The following TMPO variants were observed in gnomAD, a reference collection of about 807,000 sequenced individuals.
TMPO encodes thymopoietin.
Under a neutral mutation model 45.4 loss-of-function variants are expected in TMPO, and 22 were observed. The ratio of observed to expected loss-of-function variants is 0.48; its 90% CI spans 0.35 to 0.69. The LOEUF is 0.69. Ranked by LOEUF, TMPO falls within the 30% of genes least tolerant of loss-of-function variation. The pLI is 0.01. For synonymous variants in TMPO, 241 were observed against 204.1 expected (o/e 1.18, Z -1.54); for missense variants, 512 against 548.8 (o/e 0.93, Z 0.67).
At chr12:98,524,882 C>T (rs900171910) in intron 1 of TMPO, among the ~76,000 whole-genome samples, 2 of 152,196 alleles carry the variant, frequency 1.3e-5, no homozygotes, top group Non-Finnish European at 2.9e-5. Flanking sequence ...GCATGAGCCA[C>T]TGCACCTGGC....
At chr12:98,537,907 G>A (rs1271665106) in intron 4 of TMPO, among the ~76,000 whole-genome samples, 1 of 152,124 alleles carries the variant, frequency 6.6e-6, no homozygotes, top group Non-Finnish European at 1.5e-5. Flanking sequence ...CAATGGAAGG[G>A]TTTTATATTT....
chr12:98,515,801 G>T lies in TMPO; in HGVS notation c.-67G>T. On this transcript the variant is annotated 5_prime_UTR_variant, in exon 1 of 9. Transcript: ENST00000556029. ...AGGCGGCAGCGCGGTCCCCGGCCAG[G>T]AGCAAGCGCGCCGGCGTGAGCGGCG... 6.4e-7 allele frequency: 1 copy of T among 1,562,538 alleles called. No homozygotes were observed. Among genetic ancestry groups the T allele is most frequent in the South Asian group, 1.2e-5 (1 of 85,654 alleles).
intron 3 of TMPO, chr12:98,532,838 A>G: frequency 1.2e-6 from 2 of 1,614,224 alleles, no homozygotes; most frequent in Middle Eastern, 1.6e-4. Context: ...AAGAAAGAAC[A>G]CAAGAAAGTG....
At position 98,546,437 on chromosome 12, in the gene TMPO, A is replaced by G. The variant is rs779504287; in HGVS notation, c.1069A>G (p.Thr357Ala). The change falls in exon 8 of 9, where the codon ACA becomes GCA. Residue 357 changes from threonine (T) to alanine (A), a missense_variant. Physicochemically the swap from Thr to Ala is moderately conservative, Grantham distance 58 (BLOSUM62 0). Transcript: ENST00000556029. The part of the protein sequence containing the change: ...EMFPYEASTP[T>A]GISASCRRPI... ...GTTCCCCTATGAAGCATCTACACCA[A>G]CAGGAATTAGGTATTCAGATACATT... 1.5e-5 allele frequency: 24 copies of G among 1,600,222 alleles called. No individual in the cohort carries two copies. Among genetic ancestry groups the G allele is most frequent in the Non-Finnish European group, 1.9e-5 (22 of 1,168,188 alleles).
chr12:98,519,147 G>T (rs1001631701), intron 1 of TMPO, among the ~76,000 whole-genome samples: 7 of 152,174 alleles, frequency 4.6e-5, no homozygotes, highest in African/African-American at 1.7e-4. Flanking sequence ...TTCTCAAAGT[G>T]CTGGGATTAC....
intron 3 of TMPO, chr12:98,534,096 A>C: frequency 6.2e-7 from 1 of 1,612,712 alleles, no homozygotes; most frequent in Non-Finnish European, 8.5e-7. Context: ...GTACCCACCA[A>C]GCGCTTGGGA....
At position 98,544,434 on chromosome 12, in the gene TMPO, A is replaced by C; in HGVS notation, c.784-8A>C. On this transcript the variant is annotated splice_region_variant and splice_polypyrimidine_tract_variant and intron_variant, in intron 5 of 8. Transcript: ENST00000556029. ...TTTATTGTTTTTGTTTTGTTTTCAA[A>C]CTAACAGGTGGAAACTTCAGAACAT... is the stretch of plus-strand genomic sequence containing the variant. The C allele has an allele frequency of 1.2e-6, 2 of 1,613,510 alleles. No individual in the cohort carries two copies. Among genetic ancestry groups the C allele is most frequent in the Non-Finnish European group, 1.7e-6 (2 of 1,179,574 alleles).
chr12:98,533,519 A>G, intron 3 of TMPO: 2 of 1,614,186 alleles, frequency 1.2e-6, no homozygotes, highest in Non-Finnish European at 1.7e-6. Flanking sequence ...CAAGAAACTG[A>G]ATTCCTGTCT....
rs964109400 is a variant in TMPO, at chr12:98,550,098, C to A, written c.*2240C>A. On this transcript the variant is annotated 3_prime_UTR_variant, in exon 9 of 9. Coordinates refer to ENST00000556029, the MANE Select transcript of TMPO (RefSeq NM_001032283.3). ...ATCAGACTTAACATGTATGTAAGAT[C>A]AATTCACTTAAAAGTATGGTCCAAA... 3 of 152,112 alleles carry A rather than the reference C, an allele frequency of 2.0e-5. No homozygotes were observed. The highest frequency in any genetic ancestry group is 2.9e-5 in the Non-Finnish European group (2 of 68,014). 9.4% of individuals were successfully genotyped at this position (152,112 alleles called of 1,614,324 possible). A position where few individuals can be genotyped will look rare whatever the true frequency, so the allele number is the denominator to read the frequency against.
intron 1 of TMPO, among the ~76,000 whole-genome samples, chr12:98,521,973 G>A (rs1367528445): frequency 2.0e-5 from 3 of 151,876 alleles, no homozygotes; most frequent in Non-Finnish European, 4.4e-5. Flanking sequence ...TTTGTGATCT[G>A]CCCCCCTTAG....
intron 2 of TMPO, 95 bp from the exon 3 acceptor site, chr12:98,531,585 G>T: frequency 7.6e-7 from 1 of 1,310,124 alleles, no homozygotes; most frequent in Non-Finnish European, 1.1e-6. Flanking sequence ...AAAAATAAAG[G>T]GTGAAAATAG....
intron 1 of TMPO, among the ~76,000 whole-genome samples, chr12:98,518,571 C>T (rs958642940): frequency 6.8e-6 from 1 of 146,342 alleles, no homozygotes; most frequent in Non-Finnish European, 1.5e-5. Context: ...GCCTTGGTTC[C>T]TATTTATTTT....
chr12:98,523,302 C>T (rs752527792), intron 1 of TMPO, among the ~76,000 whole-genome samples: 4 of 152,092 alleles, frequency 2.6e-5, no homozygotes, highest in Non-Finnish European at 5.9e-5. Flanking sequence ...ACCTGTAATC[C>T]CAGCACTTTG....
chr12:98,528,143 T>C (rs1876918814), intron 2 of TMPO, 131 bp downstream of exon 2: 19 of 994,510 alleles, frequency 1.9e-5, no homozygotes, highest in Non-Finnish European at 2.9e-5. Context: ...CAGCAGAACC[T>C]GTGTTTCTTT....
At position 98,515,817 on chromosome 12, in the gene TMPO, G is replaced by C. The variant is rs1565801046; in HGVS notation, c.-51G>C. 6.3e-7 allele frequency: 1 copy of C among 1,577,084 alleles called. No homozygotes were observed. The highest frequency in any genetic ancestry group is 8.6e-7 in the Non-Finnish European group (1 of 1,163,036). On this transcript the variant is annotated 5_prime_UTR_variant, in exon 1 of 9. Transcript: ENST00000556029. The stretch of plus-strand genomic sequence containing the variant: ...CCCGGCCAGGAGCAAGCGCGCCGGC[G>C]TGAGCGGCGGCGGCAAAGGCTGTGG...
chr12:98,529,109 A>G (rs1876999451), intron 2 of TMPO, among the ~76,000 whole-genome samples: 1 of 150,132 alleles, frequency 6.7e-6, no homozygotes. Flanking sequence ...GCTAGAGTAC[A>G]ATGGTGTGAT....
chr12:98,548,318 A>G lies in TMPO; in HGVS notation c.*460A>G. The G allele has an allele frequency of 6.3e-6, 1 of 159,966 alleles. No individual in the cohort carries two copies. Among genetic ancestry groups the G allele is most frequent in the Non-Finnish European group, 1.4e-5 (1 of 72,868 alleles). The allele number at this position is 159,966 out of a possible 1,614,324, so 9.9% of individuals were successfully genotyped here. A position where few individuals can be genotyped will look rare whatever the true frequency, so the allele number is the denominator to read the frequency against. ...AACATAATGAAATTCAGTAAGAGGA[A>G]AAGTAACTTGGTTGTACTTTTTGTA... On this transcript the variant is annotated 3_prime_UTR_variant, in exon 9 of 9. Transcript: ENST00000556029.
At chr12:98,522,894 A>G (rs1248491160) in intron 1 of TMPO, among the ~76,000 whole-genome samples, 2 of 152,210 alleles carry the variant, frequency 1.3e-5, no homozygotes, top group Non-Finnish European at 2.9e-5. Flanking sequence ...TCAGTACGTA[A>G]TACATAATAA....
chr12:98,528,210 C>T (rs534723126), intron 2 of TMPO, among the ~76,000 whole-genome samples, 198 bp downstream of exon 2: 7 of 150,542 alleles, frequency 4.6e-5, no homozygotes, highest in Non-Finnish European at 7.4e-5. Flanking sequence ...TCCAAAATTA[C>T]CTCTATTGTT....
Sources: gnomAD v4.1 joint callset for allele counts (sites outside exome capture counted in the v4.1 genomes callset) on GRCh38, gnomAD v4.1.1 for gene constraint, MANE v1.5 for transcripts, NCBI Gene and HGNC (gene_info 2026-07-23, HGNC 2026-07-21) for gene names.